SETD5: variants seen among roughly 807,000 people sequenced by gnomAD.
The protein encoded by SETD5 is SET domain containing 5, also known as histone-lysine N-methyltransferase SETD5.
In SETD5, 44 loss-of-function variants were observed where a neutral mutation model predicts 153.3. That is an observed-to-expected ratio of 0.29 (90% confidence interval 0.23 to 0.37). The LOEUF is 0.37. Among genes scored for constraint, SETD5 ranks in the 10% least tolerant of loss-of-function variants. The probability of loss-of-function intolerance (pLI) is 1.00; values close to 1 mark genes in which losing one functional copy is unlikely to be tolerated. For missense variants in SETD5, 1,544 were observed against 1,768.0 expected, an observed-to-expected ratio of 0.87 and a Z score of 2.27; for synonymous variants, 716 against 645.2, an observed-to-expected ratio of 1.11 and a Z score of -1.66.
At chr3:9,465,004 A>G (rs1042947398) in intron 18 of SETD5, 4 of 333,468 alleles carry the variant, frequency 1.2e-5, no homozygotes, top group African/African-American at 8.4e-5. Context: ...ATAGGCCTCT[A>G]GCTGCCTGTA....
In SETD5 at chr3:9,440,437, C is replaced by G; in HGVS notation, c.568-19C>G. 7.4e-7 allele frequency: 1 copy of G among 1,357,330 alleles called. No individual in the cohort carries two copies. Among genetic ancestry groups the G allele is most frequent in the Admixed American group, 1.7e-5 (1 of 59,388 alleles). The allele number at this position is 1,357,330 out of a possible 1,614,324, so 84.1% of individuals were successfully genotyped here. A position where few individuals can be genotyped will look rare whatever the true frequency, so the allele number is the denominator to read the frequency against. On this transcript the variant is annotated intron_variant, in intron 7 of 22. Transcript: ENST00000402198. ...TTATGCATGGACTTTACTAACCTCC[C>G]TGAATTTGTTTTCTACAGAATTCTC...
chr3:9,410,739 T>C (rs143941040), intron 1 of SETD5, among the ~76,000 whole-genome samples: 1 of 152,224 alleles, frequency 6.6e-6, no homozygotes, highest in African/African-American at 2.4e-5. Context: ...ACTATTTCCT[T>C]CTAGATTTTT....
intron 11 of SETD5, among the ~76,000 whole-genome samples, chr3:9,444,014 A>G (rs1191834125): frequency 1.3e-5 from 2 of 152,220 alleles, no homozygotes; most frequent in Admixed American, 1.3e-4. Flanking sequence ...GTAAGCCAAG[A>G]TCACGCCACT....
rs200413331 is a variant in SETD5 at position 9,464,563 on chromosome 3, G to A, written c.2615G>A (p.Gly872Asp). 6 of 1,613,926 alleles carry A rather than the reference G, an allele frequency of 3.7e-6. No homozygotes were observed. Among genetic ancestry groups the A allele is most frequent in the Non-Finnish European group, 5.1e-6 (6 of 1,179,868 alleles). Reference sequence around the variant, plus strand: ...AAGAGTCCCCAGCTGGCCACACCTGGCTCATCTCACCCAGGAGAAGAGGAG... The same window carrying A: ...AAGAGTCCCCAGCTGGCCACACCTGACTCATCTCACCCAGGAGAAGAGGAG... Reference protein sequence around the residue: ...GSKSPQLATPGSSHPGEEECR... With the variant: ...GSKSPQLATPDSSHPGEEECR... The change falls in exon 18 of 23, where the codon GGC becomes GAC. Residue 872 changes from glycine to aspartate, a missense_variant. Physicochemically the swap from Gly to Asp is moderately conservative, Grantham distance 94 (BLOSUM62 -1). Around this residue, in one of 9 missense-constraint regions of SETD5, gnomAD observed 782 missense variants for 787.2 expected, o/e 0.99. Transcript: ENST00000402198.
intron 7 of SETD5, among the ~76,000 whole-genome samples, chr3:9,437,230 G>C (rs1278766465): frequency 6.6e-6 from 1 of 152,102 alleles, no homozygotes; most frequent in Non-Finnish European, 1.5e-5. Flanking sequence ...TAATGATACA[G>C]GATCTCTTGT....
At chr3:9,431,462 T>C in intron 3 of SETD5, 1 of 948,538 alleles carries the variant, frequency 1.1e-6, no homozygotes, top group Non-Finnish European at 1.3e-6. Flanking sequence ...TATTTTAAAA[T>C]ATAAAAACTA....
chr3:9,448,173 T>C (rs1173772055), intron 15 of SETD5, among the ~76,000 whole-genome samples, 167 bp downstream of exon 15: 1 of 152,188 alleles, frequency 6.6e-6, no homozygotes, highest in Non-Finnish European at 1.5e-5. Context: ...TGTTTCCTTA[T>C]TTTTAGTCAG....
At position 9,476,459 on chromosome 3, in the gene SETD5, TAAAAAA is replaced by T; in HGVS notation, c.*382_*387del. ...TGCAGTGAGGACATCTTTTTAAATT[TAAAAAA>T]AAAAAAAAAAAAAGTTTTCAAAGGA... On this transcript the variant is annotated 3_prime_UTR_variant, in exon 23 of 23. Transcript: ENST00000402198. The T allele has an allele frequency of 8.8e-6, 1 of 113,648 alleles. No homozygotes were observed. The highest frequency in any genetic ancestry group is 2.8e-4 in the South Asian group (1 of 3,598). The allele number at this position is 113,648 out of a possible 1,614,324, so 7.0% of individuals were successfully genotyped here.
intron 17 of SETD5, among the ~76,000 whole-genome samples, chr3:9,462,924 GA>G (rs140101675): frequency 0.033 from 5,058 of 151,108 alleles, 127 homozygotes; most frequent in Non-Finnish European, 0.049. Context: ...TCATCATTTA[GA>G]AAATACAGCT....
intron 1 of SETD5, among the ~76,000 whole-genome samples, chr3:9,407,885 A>G (rs1025096102): frequency 3.9e-5 from 6 of 152,142 alleles, no homozygotes; most frequent in African/African-American, 1.2e-4. Context: ...CTATAATCCC[A>G]GCTACTCGGG....
At chr3:9,419,438 C>T (rs956896826) in intron 1 of SETD5, among the ~76,000 whole-genome samples, 2 of 152,112 alleles carry the variant, frequency 1.3e-5, no homozygotes, top group Non-Finnish European at 2.9e-5. Context: ...TGGCAGTATG[C>T]GTCTGTGGTC....
In SETD5 at chr3:9,440,475, A is replaced by G. The variant is rs1160682294; in HGVS notation, c.587A>G (p.Gln196Arg). ...KKIKNSPSEA[Q>R]NLDENTTEGW... Reference sequence around the variant, plus strand: ...CTACAGAATTCTCCCTCTGAAGCACAGAATTTAGATGAGAATACAACTGAG... The same window carrying G: ...CTACAGAATTCTCCCTCTGAAGCACGGAATTTAGATGAGAATACAACTGAG... The change falls in exon 8 of 23, where the codon CAG becomes CGG. Residue 196 changes from glutamine (Q) to arginine (R), a missense_variant. Gln to Arg is a conservative substitution (Grantham distance 43). Coordinates refer to ENST00000402198, the MANE Select transcript of SETD5 (RefSeq NM_001080517.3). The G allele has an allele frequency of 6.4e-7, 1 of 1,573,148 alleles. No individual in the cohort carries two copies. The highest frequency in any genetic ancestry group is 8.8e-7 in the Non-Finnish European group (1 of 1,142,810).
rs2125187814 is a variant in SETD5, at chr3:9,441,686, C to T, written c.904C>T (p.Arg302Cys). The change falls in exon 9 of 23, where the codon CGT becomes TGT. Residue 302 changes from arginine to cysteine, a missense_variant. Arg to Cys is a radical substitution (Grantham distance 180). Around this residue, in one of 9 missense-constraint regions of SETD5, gnomAD observed 30 missense variants for 66.0 expected, o/e 0.45. Transcript: ENST00000402198. ...TTTGGACACTCTTATAATAGAGTAT[C>T]GTGGGAAAGTCATGTTACGACAGCA... is the stretch of plus-strand genomic sequence containing the variant. ...LALDTLIIEY[R>C]GKVMLRQQFE... The T allele has an allele frequency of 1.9e-6, 3 of 1,613,902 alleles. No homozygotes were observed. Among genetic ancestry groups the T allele is most frequent in the Non-Finnish European group, 2.5e-6 (3 of 1,179,846 alleles).
intron 6 of SETD5, among the ~76,000 whole-genome samples, chr3:9,435,224 CAA>C (rs1239868918): frequency 2.2e-5 from 2 of 89,996 alleles, no homozygotes; most frequent in Admixed American, 1.6e-4. Flanking sequence ...GCCTGGGCAA[CAA>C]GAGCAAAACT....
intron 1 of SETD5, among the ~76,000 whole-genome samples, chr3:9,405,444 T>G (rs2035500574): frequency 6.6e-6 from 1 of 152,240 alleles, no homozygotes; most frequent in African/African-American, 2.4e-5. Context: ...TTTCATGTCT[T>G]AGAGTTCTTT....
At chr3:9,418,181 C>G (rs2037825648) in intron 1 of SETD5, among the ~76,000 whole-genome samples, 1 of 150,860 alleles carries the variant, frequency 6.6e-6, no homozygotes, top group African/African-American at 2.5e-5. Flanking sequence ...ATCTCCTGAC[C>G]TTGTGATCCT....
chr3:9,456,246 T>TA, intron 17 of SETD5, among the ~76,000 whole-genome samples: 1 of 151,214 alleles, frequency 6.6e-6, no homozygotes, highest in East Asian at 2.0e-4. Flanking sequence ...GAGGCCAAGG[T>TA]GGGCGGATCA....
intron 21 of SETD5, 127 bp downstream of exon 21, chr3:9,474,709 G>T (rs1575625102): frequency 7.6e-7 from 1 of 1,312,086 alleles, no homozygotes; most frequent in East Asian, 2.3e-5. Context: ...CGCATGCTAG[G>T]TTCCAGCCCA....
intron 17 of SETD5, among the ~76,000 whole-genome samples, chr3:9,455,810 A>G (rs1010618636): frequency 6.6e-6 from 1 of 152,202 alleles, no homozygotes; most frequent in East Asian, 1.9e-4. Flanking sequence ...TTATAGGAAA[A>G]GTGTCTTTGT....
Sources: allele counts gnomAD v4.1 joint callset (sites outside exome capture counted in the v4.1 genomes callset), GRCh38; gene constraint gnomAD v4.1.1; regional missense constraint gnomAD v4.1.1; transcripts MANE v1.5; gene names NCBI Gene and HGNC (gene_info 2026-07-23, HGNC 2026-07-21).